The following SYNPR variants were observed in gnomAD, a reference collection of about 807,000 sequenced individuals.
SYNPR encodes synaptoporin.
A neutral mutation model predicts 32.9 loss-of-function variants in SYNPR; 23 were observed. The ratio of observed to expected loss-of-function variants is 0.70; its 90% CI spans 0.50 to 0.99. The LOEUF (loss-of-function observed/expected upper bound fraction) is 0.99. Ranked by LOEUF, SYNPR falls within the 50% of genes least tolerant of loss-of-function variation. The pLI is 0.00. For missense variants in SYNPR, 318 were observed against 349.3 expected (o/e 0.91, Z 0.71); for synonymous variants, 146 against 135.9 (o/e 1.07, Z -0.52).
At chr3:63,444,401 G>GC (rs1414089157) in intron 2 of SYNPR, 22 of 152,098 alleles carry the variant, frequency 1.4e-4, no homozygotes, top group African/African-American at 5.1e-4. Context: ...TTAAATAATT[G>GC]CTTTAATGGA....
chr3:63,554,355 T>C (rs1019079520), intron 3 of SYNPR, among the ~76,000 whole-genome samples: 2 of 152,206 alleles, frequency 1.3e-5, no homozygotes, highest in African/African-American at 4.8e-5. Context: ...CTTACATTTA[T>C]ATCTGTAATC....
At chr3:63,490,490 A>G (rs1701237758) in intron 3 of SYNPR, among the ~76,000 whole-genome samples, 1 of 152,110 alleles carries the variant, frequency 6.6e-6, no homozygotes, top group African/African-American at 2.4e-5. Context: ...AGGTGGCTGC[A>G]GCCGTCCAAG....
At chr3:63,257,606 G>A (rs368137276) in intron 2 of SYNPR, among the ~76,000 whole-genome samples, 1 of 152,178 alleles carries the variant, frequency 6.6e-6, no homozygotes, top group African/African-American at 2.4e-5. Flanking sequence ...AACAGCCACT[G>A]CAAAAACATG....
intron 2 of SYNPR, among the ~76,000 whole-genome samples, chr3:63,479,446 G>GCGCGCACACACACA (rs6147854): frequency 5.1e-4 from 69 of 135,852 alleles, no homozygotes; most frequent in East Asian, 1.4e-3. Context: ...CCACACACAT[G>GCGCGCACACACACA]CACACACACA....
At chr3:63,318,221 G>A (rs187777337) in intron 2 of SYNPR, among the ~76,000 whole-genome samples, 14 of 152,112 alleles carry the variant, frequency 9.2e-5, no homozygotes, top group African/African-American at 2.9e-4. Context: ...ATAACCTGAT[G>A]ACAATGTGCC....
At chr3:63,287,824 ACCG>A (rs1355354676) in intron 2 of SYNPR, among the ~76,000 whole-genome samples, 11 of 152,176 alleles carry the variant, frequency 7.2e-5, no homozygotes, top group African/African-American at 2.7e-4. Flanking sequence ...TCACATAGGC[ACCG>A]CTGTCAAGGA....
chr3:63,513,762 T>A (rs4496473), intron 3 of SYNPR, among the ~76,000 whole-genome samples: 34,869 of 151,006 alleles, frequency 0.23, 4,390 homozygotes, highest in East Asian at 0.35. Flanking sequence ...GAGTAAATAA[T>A]CAAATGAATG....
chr3:63,236,131 C>A (rs1560164458), intron 1 of SYNPR, among the ~76,000 whole-genome samples: 1 of 149,890 alleles, frequency 6.7e-6, no homozygotes, highest in Admixed American at 6.7e-5. Flanking sequence ...GTTGAAAAGT[C>A]TGTTCTTCCT....
intron 2 of SYNPR, among the ~76,000 whole-genome samples, chr3:63,329,687 T>C (rs2087205001): frequency 6.6e-6 from 1 of 152,148 alleles, no homozygotes. Context: ...TGTCTCTGGG[T>C]AATAAATCAT....
chr3:63,452,070 A>G, intron 2 of SYNPR: 1 of 702,226 alleles, frequency 1.4e-6, no homozygotes. Flanking sequence ...TTCACACTCA[A>G]AGAAAGGGTT....
At chr3:63,356,812 A>T (rs17068302) in intron 2 of SYNPR, among the ~76,000 whole-genome samples, 21,023 of 152,224 alleles carry the variant, frequency 0.14, 1,692 homozygotes, top group Non-Finnish European at 0.17. Flanking sequence ...AAAAGGAAGA[A>T]TTTTTCTCAA....
chr3:63,379,501 T>G (rs1025959799), intron 2 of SYNPR, among the ~76,000 whole-genome samples: 1 of 152,186 alleles, frequency 6.6e-6, no homozygotes, highest in African/African-American at 2.4e-5. Flanking sequence ...TTTGTAGCTC[T>G]GTTTTTTGGT....
chr3:63,306,371 C>T (rs566073990), intron 2 of SYNPR, among the ~76,000 whole-genome samples: 1 of 151,916 alleles, frequency 6.6e-6, no homozygotes, highest in Admixed American at 6.6e-5. Context: ...TCCTGTGGTC[C>T]TCACTCTCGA....
intron 2 of SYNPR, among the ~76,000 whole-genome samples, chr3:63,328,895 C>T (rs749843917): frequency 3.9e-5 from 6 of 152,138 alleles, no homozygotes; most frequent in African/African-American, 1.2e-4. Flanking sequence ...TCAAATTGAC[C>T]GCCACATCTC....
chr3:63,290,044 G>C (rs545180310), intron 2 of SYNPR, among the ~76,000 whole-genome samples: 2 of 151,230 alleles, frequency 1.3e-5, no homozygotes. Context: ...GCAGGAGAAT[G>C]GTGTGAACCC....
intron 2 of SYNPR, among the ~76,000 whole-genome samples, chr3:63,383,779 A>T (rs2088005881): frequency 6.6e-6 from 1 of 152,170 alleles, no homozygotes. Flanking sequence ...GCTTCATAAA[A>T]ATCTCCTCTA....
chr3:63,404,714 A>G (rs184093469), intron 2 of SYNPR, among the ~76,000 whole-genome samples: 3 of 152,322 alleles, frequency 2.0e-5, no homozygotes, highest in Admixed American at 2.0e-4. Flanking sequence ...CATAATTCAT[A>G]GGATTAATAT....
intron 3 of SYNPR, 53 bp from the exon 4 acceptor site, chr3:63,556,490 T>C: frequency 6.7e-7 from 1 of 1,492,014 alleles, no homozygotes; most frequent in Non-Finnish European, 9.1e-7. Flanking sequence ...ACAAGTCATG[T>C]ATTTTTGTCT....
intron 2 of SYNPR, chr3:63,289,647 C>G (rs1226185953): frequency 6.6e-6 from 1 of 152,134 alleles, no homozygotes; most frequent in Admixed American, 6.6e-5. Context: ...TCCTATTGGG[C>G]CCCACCTCCT....
Sources: gnomAD v4.1 joint callset for allele counts (sites outside exome capture counted in the v4.1 genomes callset) on GRCh38, gnomAD v4.1.1 for gene constraint, MANE v1.5 for transcripts, NCBI Gene and HGNC (gene_info 2026-07-23, HGNC 2026-07-21) for gene names.